IL12RB2: variants seen among roughly 807,000 people sequenced by gnomAD.
IL12RB2 encodes the protein interleukin-12 receptor subunit beta-2.
Under a neutral mutation model 89.4 loss-of-function variants are expected in IL12RB2, and 82 were observed. The ratio of observed to expected loss-of-function variants is 0.92; its 90% CI spans 0.77 to 1.10. IL12RB2 has a LOEUF of 1.10. Ranked by LOEUF, IL12RB2 falls within the 50% of genes least tolerant of loss-of-function variation. The pLI, the probability that IL12RB2 is intolerant of heterozygous loss-of-function variation, is 0.00. For synonymous variants in IL12RB2, 368 were observed against 370.1 expected, an observed-to-expected ratio of 0.99 and a Z score of 0.07; for missense variants, 963 against 1,031.9, an observed-to-expected ratio of 0.93 and a Z score of 0.92.
At chr1:67,352,466 G>A (rs1238520791) in intron 10 of IL12RB2, among the ~76,000 whole-genome samples, 2 of 152,134 alleles carry the variant, frequency 1.3e-5, no homozygotes, top group African/African-American at 4.8e-5. Flanking sequence ...CTAGACAGCA[G>A]AAAAGGAAAA....
At chr1:67,338,822 C>T in intron 9 of IL12RB2, 119 bp downstream of exon 9, 1 of 716,566 alleles carries the variant, frequency 1.4e-6, no homozygotes, top group South Asian at 1.5e-5. Flanking sequence ...CATTTTCTCA[C>T]ATTCATGACA....
chr1:67,370,335 C>T (rs1451013378), intron 11 of IL12RB2, among the ~76,000 whole-genome samples: 2 of 152,082 alleles, frequency 1.3e-5, no homozygotes, highest in Non-Finnish European at 2.9e-5. Context: ...AGGCTAGAGA[C>T]CAGTCCTGTC....
chr1:67,328,412 T>G, intron 6 of IL12RB2, 28 bp downstream of exon 6: 1 of 1,612,920 alleles, frequency 6.2e-7, no homozygotes, highest in Non-Finnish European at 8.5e-7. Flanking sequence ...GTTTCATTGG[T>G]ACTTTATAAT....
intron 8 of IL12RB2, among the ~76,000 whole-genome samples, chr1:67,335,464 A>G (rs1658646737): frequency 6.6e-6 from 1 of 152,190 alleles, no homozygotes; most frequent in Admixed American, 6.5e-5. Context: ...TTGCTCGGTG[A>G]AGTCTGAGGC....
chr1:67,323,917 C>T (rs1216912771), intron 4 of IL12RB2, among the ~76,000 whole-genome samples: 3 of 152,064 alleles, frequency 2.0e-5, no homozygotes, highest in South Asian at 4.1e-4. Context: ...CAAGAGAGAT[C>T]CTCAAGCAGA....
At chr1:67,319,575 G>A (rs1308745682) in intron 2 of IL12RB2, among the ~76,000 whole-genome samples, 1 of 152,034 alleles carries the variant, frequency 6.6e-6, no homozygotes, top group East Asian at 1.9e-4. Flanking sequence ...AACTCTCACT[G>A]GTCAAACTAC....
rs892117118 is a variant in IL12RB2 at position 67,344,785 on chromosome 1, C to T, written c.1038+6082C>T. ...CTCCAGACAGTAGCACATCTTGGCT[C>T]GGACTAGCCATGTTTCAAGGGCTCC... On this transcript the variant is annotated intron_variant, in intron 9 of 16. Coordinates refer to ENST00000674203, the MANE Select transcript of IL12RB2 (RefSeq NM_001374259.2). Among the ~76,000 whole-genome samples, 6 of 152,196 alleles carry T rather than the reference C, an allele frequency of 3.9e-5. No individual in the cohort carries two copies. The East Asian group carries it at 1.2e-3, about 29-fold the overall frequency.
chr1:67,383,044 G>A (rs1334720626), intron 14 of IL12RB2, among the ~76,000 whole-genome samples: 1 of 152,142 alleles, frequency 6.6e-6, no homozygotes, highest in Non-Finnish European at 1.5e-5. Flanking sequence ...GGACATACCT[G>A]AGACTGGATA....
intron 9 of IL12RB2, among the ~76,000 whole-genome samples, chr1:67,341,529 GAGAAAGAAAGAAAGAAAGAAAGAAAGAA>G (rs200463047): frequency 9.0e-5 from 10 of 110,596 alleles, no homozygotes; most frequent in East Asian, 2.7e-4. Context: ...AAAAAAGAAA[GAGAAAGAAAGAAAGAAAGAAAGAAAGAA>G]AGAAAGAAAG....
chr1:67,325,772 A>G (rs753777431), intron 4 of IL12RB2, among the ~76,000 whole-genome samples: 4 of 152,192 alleles, frequency 2.6e-5, no homozygotes, highest in African/African-American at 4.8e-5. Flanking sequence ...GACAATAGCT[A>G]GGACTTCTGT....
At chr1:67,370,412 A>G (rs1387336077) in intron 11 of IL12RB2, among the ~76,000 whole-genome samples, 1 of 152,116 alleles carries the variant, frequency 6.6e-6, no homozygotes, top group Non-Finnish European at 1.5e-5. Flanking sequence ...ACATAACATC[A>G]TGGTGTCTAG....
At chr1:67,320,270 C>A in intron 2 of IL12RB2, 63 bp from the exon 3 acceptor site, 1 of 1,605,704 alleles carries the variant, frequency 6.2e-7, no homozygotes. Context: ...CTCTTCTGAG[C>A]TATTTTGGCT....
At position 67,320,401 on chromosome 1, in the gene IL12RB2, A is replaced by C; in HGVS notation, c.33A>C (p.Ala11=). The change falls in exon 3 of 17, where the codon GCA becomes GCC. Residue 11 remains alanine, a synonymous_variant. Transcript: ENST00000674203. The part of the protein sequence containing the change: MAHTFRGCSL[A]FMFIITWLLI... ...ATACTTTTAGAGGATGCTCATTGGC[A>C]TTTATGTTTATAATCACGTGGCTGT... The C allele has an allele frequency of 6.2e-7, 1 of 1,613,998 alleles. No individual in the cohort carries two copies. The highest frequency in any genetic ancestry group is 8.5e-7 in the Non-Finnish European group (1 of 1,179,938).
At chr1:67,310,870 G>A (rs1042011266) in intron 1 of IL12RB2, among the ~76,000 whole-genome samples, 15 of 152,012 alleles carry the variant, frequency 9.9e-5, no homozygotes, top group South Asian at 8.3e-4. Flanking sequence ...GATTACAGGC[G>A]CACACCAGTA....
chr1:67,337,732 A>C (rs1204180114), intron 8 of IL12RB2, among the ~76,000 whole-genome samples: 1 of 152,186 alleles, frequency 6.6e-6, no homozygotes, highest in Non-Finnish European at 1.5e-5. Flanking sequence ...CTTTAAGTAC[A>C]TCATTGTCTA....
At chr1:67,395,419 T>G in intron 16 of IL12RB2, 128 bp from the exon 17 acceptor site, 1 of 1,571,854 alleles carries the variant, frequency 6.4e-7, no homozygotes, top group South Asian at 1.2e-5. Context: ...CAAACTCCAG[T>G]GCCCAACATG....
chr1:67,379,943 A>C (rs1335176818), intron 13 of IL12RB2, 43 bp from the exon 14 acceptor site: 1 of 1,451,258 alleles, frequency 6.9e-7, no homozygotes, highest in Non-Finnish European at 9.7e-7. Context: ...ATTAAAAGCC[A>C]TATCCTTTAA....
chr1:67,308,717 T>C (rs1393595005), intron 1 of IL12RB2, among the ~76,000 whole-genome samples: 1 of 152,136 alleles, frequency 6.6e-6, no homozygotes, highest in African/African-American at 2.4e-5. Flanking sequence ...AGCATACAAA[T>C]AGACCTTGTC....
intron 8 of IL12RB2, among the ~76,000 whole-genome samples, chr1:67,337,261 G>GA (rs1658892674): frequency 6.6e-6 from 1 of 152,072 alleles, no homozygotes; most frequent in Non-Finnish European, 1.5e-5. Flanking sequence ...TCTAACCTAG[G>GA]AAAAAACCCC....
Sources: allele counts gnomAD v4.1 joint callset (sites outside exome capture counted in the v4.1 genomes callset), GRCh38; gene constraint gnomAD v4.1.1; transcripts MANE v1.5; gene names NCBI Gene and HGNC (gene_info 2026-07-23, HGNC 2026-07-21).